Variants in RIN2 observed in about 807,000 individuals in gnomAD.
The protein encoded by RIN2 is Ras and Rab interactor 2, also known as RAB5 interacting protein 2.
Under a neutral mutation model 78.0 loss-of-function variants are expected in RIN2, and 36 were observed. The ratio of observed to expected loss-of-function variants is 0.46; its 90% confidence interval spans 0.35 to 0.61. The LOEUF (loss-of-function observed/expected upper bound fraction) is 0.61. RIN2 is among the 20% of genes least tolerant of loss of function. RIN2 has a pLI of 0.00. For synonymous variants in RIN2, 466 were observed against 466.8 expected, an observed-to-expected ratio of 1.00 and a Z score of 0.02; for missense variants, 1,087 against 1,159.7, an observed-to-expected ratio of 0.94 and a Z score of 0.91.
At chr20:19,920,337 C>T (rs909891238) in intron 3 of RIN2, among the ~76,000 whole-genome samples, 18 of 151,064 alleles carry the variant, frequency 1.2e-4, no homozygotes, top group African/African-American at 4.4e-4. Context: ...CCTTGTGGTA[C>T]TTCAATCATT....
At chr20:19,866,664 A>G (rs1400069102) in intron 2 of RIN2, among the ~76,000 whole-genome samples, 2 of 152,108 alleles carry the variant, frequency 1.3e-5, no homozygotes, top group African/African-American at 4.8e-5. Context: ...TTCCTGTGTC[A>G]CCCAGGCGGG....
At chr20:19,777,780 A>G (rs1033963147) in intron 1 of RIN2, among the ~76,000 whole-genome samples, 1 of 152,218 alleles carries the variant, frequency 6.6e-6, no homozygotes, top group African/African-American at 2.4e-5. Context: ...AACACTCAAA[A>G]CACTGGCGTG....
chr20:19,805,385 C>T (rs1442097635), intron 2 of RIN2, among the ~76,000 whole-genome samples: 1 of 152,096 alleles, frequency 6.6e-6, no homozygotes, highest in Non-Finnish European at 1.5e-5. Flanking sequence ...TTAGGATATT[C>T]CTGAAAGAAG....
chr20:19,971,515 C>T (rs1422622506), intron 8 of RIN2, among the ~76,000 whole-genome samples: 1 of 151,858 alleles, frequency 6.6e-6, no homozygotes, highest in African/African-American at 2.4e-5. Context: ...TTAGCTTTTG[C>T]AAAAAATGTT....
chr20:19,896,754 G>C (rs940509742), intron 3 of RIN2, among the ~76,000 whole-genome samples: 1 of 152,096 alleles, frequency 6.6e-6, no homozygotes, highest in South Asian at 2.1e-4. Flanking sequence ...ACCTGGAGAG[G>C]CCTCAGAGCA....
intron 2 of RIN2, among the ~76,000 whole-genome samples, chr20:19,867,843 T>C (rs1206348303): frequency 1.3e-5 from 2 of 152,064 alleles, no homozygotes; most frequent in African/African-American, 4.8e-5. Context: ...ACTGGGAGGG[T>C]ATTTAGACTT....
intron 2 of RIN2, among the ~76,000 whole-genome samples, chr20:19,853,508 A>G (rs1172420123): frequency 6.6e-6 from 1 of 152,122 alleles, no homozygotes; most frequent in Non-Finnish European, 1.5e-5. Context: ...AACAGTGTAA[A>G]AGTGTTCCTG....
At chr20:19,781,468 G>C (rs564678078) in intron 1 of RIN2, among the ~76,000 whole-genome samples, 1 of 152,130 alleles carries the variant, frequency 6.6e-6, no homozygotes, top group South Asian at 2.1e-4. Flanking sequence ...TGACATCTGC[G>C]TACCCTTTAC....
intron 2 of RIN2, chr20:19,886,606 CTTCTTCT>C (rs1259952151): frequency 7.2e-6 from 6 of 829,374 alleles, no homozygotes; most frequent in African/African-American, 6.4e-5. Flanking sequence ...TCTTCTTCTT[CTTCTTCT>C]TTTTTTTTTT....
chr20:19,785,506 G>T (rs79054811), intron 1 of RIN2, among the ~76,000 whole-genome samples: 3 of 152,298 alleles, frequency 2.0e-5, no homozygotes, highest in Non-Finnish European at 2.9e-5. Flanking sequence ...TGCCAGGCAG[G>T]ACATCCTTTC....
chr20:19,800,854 C>T (rs2035219869), intron 2 of RIN2, among the ~76,000 whole-genome samples: 1 of 152,184 alleles, frequency 6.6e-6, no homozygotes, highest in South Asian at 2.1e-4. Flanking sequence ...AGTAAGAAAA[C>T]AGAAGTTGAA....
intron 1 of RIN2, among the ~76,000 whole-genome samples, chr20:19,793,226 T>C (rs973810965): frequency 1.3e-5 from 2 of 152,214 alleles, no homozygotes; most frequent in African/African-American, 4.8e-5. Flanking sequence ...TTTCAACATA[T>C]GATCAATATG....
chr20:19,777,169 G>A (rs2034340290), intron 1 of RIN2, among the ~76,000 whole-genome samples: 1 of 152,174 alleles, frequency 6.6e-6, no homozygotes, highest in South Asian at 2.1e-4. Flanking sequence ...AATGTAGGAG[G>A]TTTAGAAGAA....
rs754028614 is a variant in RIN2 at position 19,992,283 on chromosome 20, G to T, written c.2184G>T (p.Ser728=). 6 of 1,568,944 alleles carry T rather than the reference G, an allele frequency of 3.8e-6. No individual in the cohort carries two copies. The Admixed American group carries it at 1.1e-4, about 30-fold the overall frequency. Residue 728 remains serine (S), a synonymous_variant, in exon 11 of 13, where the codon TCG becomes TCT. Transcript: ENST00000255006. ...IEYMMELLDP[S]LLHGEGGYYL... is the part of the protein sequence containing the mutation. ...ACATGATGGAGCTCCTAGACCCATCGCTGTTACATGGAGAAGGTAACTGCT... is the reference window on the plus strand; with the variant it reads ...ACATGATGGAGCTCCTAGACCCATCTCTGTTACATGGAGAAGGTAACTGCT...
chr20:19,923,473 T>TAAAATAAAA (rs1568613947), intron 3 of RIN2, among the ~76,000 whole-genome samples: 2 of 96,000 alleles, frequency 2.1e-5, no homozygotes, highest in Non-Finnish European at 2.3e-5. Flanking sequence ...ATAAAATAAA[T>TAAAATAAAA]AAAATAAAAT....
chr20:19,891,591 G>A (rs1457391858), intron 3 of RIN2, among the ~76,000 whole-genome samples: 1 of 152,170 alleles, frequency 6.6e-6, no homozygotes, highest in Non-Finnish European at 1.5e-5. Context: ...GGCCTAGGTG[G>A]GCGGATCACT....
chr20:19,833,835 C>T (rs1412495512), intron 2 of RIN2, among the ~76,000 whole-genome samples: 1 of 152,180 alleles, frequency 6.6e-6, no homozygotes, highest in Non-Finnish European at 1.5e-5. Flanking sequence ...GCAGTCCCCT[C>T]GCCCCAGTGC....
intron 1 of RIN2, among the ~76,000 whole-genome samples, chr20:19,763,195 AC>A (rs990059246): frequency 3.9e-5 from 6 of 152,066 alleles, no homozygotes; most frequent in Non-Finnish European, 7.4e-5. Context: ...GGCCAGCCTG[AC>A]CAACATGGTG....
chr20:19,841,143 T>A (rs547786209), intron 2 of RIN2, among the ~76,000 whole-genome samples: 64 of 152,194 alleles, frequency 4.2e-4, no homozygotes, highest in South Asian at 3.1e-3. Context: ...TATTCACAGA[T>A]GTGAACATAG....
Sources: gnomAD v4.1 joint callset for allele counts (sites outside exome capture counted in the v4.1 genomes callset) on GRCh38, gnomAD v4.1.1 for gene constraint, MANE v1.5 for transcripts, NCBI Gene and HGNC (gene_info 2026-07-23, HGNC 2026-07-21) for gene names.